PCDHA13: variants seen among roughly 807,000 people sequenced by gnomAD.
PCDHA13 encodes protocadherin alpha-13.
Under a neutral mutation model 64.8 loss-of-function variants are expected in PCDHA13, and 54 were observed. The ratio of observed to expected loss-of-function variants is 0.83; its 90% CI spans 0.67 to 1.04. PCDHA13 has a LOEUF of 1.04. Among genes scored for constraint, PCDHA13 ranks in the 50% least tolerant of loss-of-function variants. PCDHA13 has a pLI of 0.00. For synonymous variants in PCDHA13, 587 were observed against 564.4 expected (o/e 1.04, Z -0.57); for missense variants, 1,248 against 1,254.3 (o/e 0.99, Z 0.08).
chr5:140,906,889 G>T (rs1397235059), intron 1 of PCDHA13, among the ~76,000 whole-genome samples: 1 of 152,172 alleles, frequency 6.6e-6, no homozygotes, highest in Non-Finnish European at 1.5e-5. Flanking sequence ...TTCCTTCTTA[G>T]ATTGTTGGTT....
At chr5:140,975,849 A>G (rs1157741908) in intron 1 of PCDHA13, among the ~76,000 whole-genome samples, 1 of 152,208 alleles carries the variant, frequency 6.6e-6, no homozygotes, top group Non-Finnish European at 1.5e-5. Flanking sequence ...CAGTAATACT[A>G]CATCACCCAT....
chr5:140,952,546 C>T (rs1449369285), intron 1 of PCDHA13, among the ~76,000 whole-genome samples: 1 of 152,108 alleles, frequency 6.6e-6, no homozygotes, highest in African/African-American at 2.4e-5. Flanking sequence ...CTTCTTTGTC[C>T]ATTTCACTAT....
At chr5:140,974,083 T>C (rs1345131685) in intron 1 of PCDHA13, among the ~76,000 whole-genome samples, 1 of 152,236 alleles carries the variant, frequency 6.6e-6, no homozygotes, top group Non-Finnish European at 1.5e-5. Flanking sequence ...AACCATGACT[T>C]CAAAAATCAA....
At chr5:140,917,318 A>G (rs961734758) in intron 1 of PCDHA13, among the ~76,000 whole-genome samples, 1 of 99,850 alleles carries the variant, frequency 1.0e-5, no homozygotes, top group South Asian at 3.3e-4. Context: ...TTTGGTGTTC[A>G]TGTGGCGGGG....
intron 1 of PCDHA13, among the ~76,000 whole-genome samples, chr5:140,952,079 C>A (rs2094682960): frequency 6.6e-6 from 1 of 152,162 alleles, no homozygotes; most frequent in South Asian, 2.1e-4. Flanking sequence ...TTCATTGACT[C>A]CATGTCTCAC....
chr5:140,882,462 G>T lies in PCDHA13; in HGVS notation c.194G>T (p.Arg65Leu). Residue 65 changes from arginine to leucine, a missense_variant, in exon 1 of 4, where the codon CGG (arginine) becomes CTG (leucine). By Grantham distance (102) the Arg-to-Leu change is moderately radical. Transcript: ENST00000289272. Reference protein sequence around the residue: ...ELAELVPRLFRVASKRHGDLL... With the variant: ...ELAELVPRLFLVASKRHGDLL... ...GCGGAGCTGGTGCCGCGCCTGTTCC[G>T]GGTGGCGTCCAAAAGACACGGGGAC... The T allele has an allele frequency of 6.2e-7, 1 of 1,614,036 alleles. No individual in the cohort carries two copies. The highest frequency in any genetic ancestry group is 8.5e-7 in the Non-Finnish European group (1 of 1,180,040).
In PCDHA13 at chr5:140,934,078, G is replaced by A. The variant is rs13188437; in HGVS notation, c.2395-44871G>A. On this transcript the variant is annotated intron_variant, in intron 1 of 3. Transcript: ENST00000289272. ...GGCTAACTTTTGGTGTTTTGGGTTC[G>A]CTTTGTTGTATGTTTGCTTTCTATT... is the stretch of plus-strand genomic sequence containing the variant. 1.4e-3 allele frequency among the ~76,000 whole-genome samples: 217 copies of A among 151,620 alleles called. 1 individual carries two copies. Among genetic ancestry groups the A allele is most frequent in the African/African-American group, 4.8e-3 (200 of 41,380 alleles).
chr5:140,978,989 T>G lies in PCDHA13; in HGVS notation c.2435T>G (p.Leu812Arg). 1 of 1,614,212 alleles carries G rather than the reference T, an allele frequency of 6.2e-7. No individual in the cohort carries two copies. Among genetic ancestry groups the G allele is most frequent in the Non-Finnish European group, 8.5e-7 (1 of 1,180,034 alleles). Residue 812 changes from leucine to arginine, a missense_variant, in exon 2 of 4, where the codon CTG (leucine) becomes CGG (arginine). Transcript: ENST00000289272. Reference protein sequence around the residue: ...PNPDWRYSASLRAGMHSSVHL... With the variant: ...PNPDWRYSASRRAGMHSSVHL... ...CCTGACTGGCGTTACTCTGCCTCCC[T>G]GAGAGCAGGCATGCACAGGTATGTA...
intron 1 of PCDHA13, among the ~76,000 whole-genome samples, chr5:140,894,198 T>A (rs1431922646): frequency 3.9e-5 from 6 of 152,168 alleles, no homozygotes; most frequent in African/African-American, 1.4e-4. Flanking sequence ...ATTTTTTCTA[T>A]GCTATTATAT....
intron 1 of PCDHA13, among the ~76,000 whole-genome samples, chr5:140,971,297 T>C (rs1246980755): frequency 4.6e-5 from 7 of 152,222 alleles, no homozygotes; most frequent in Non-Finnish European, 1.0e-4. Context: ...TGTACTTTGG[T>C]ACACAAACAT....
rs555659207 is a variant in PCDHA13, at chr5:140,967,475, C to A, written c.2395-11474C>A. 2.5e-6 allele frequency: 4 copies of A among 1,613,342 alleles called. No homozygotes were observed. In the East Asian group the frequency reaches 8.9e-5, roughly 36 times the overall value. On this transcript the variant is annotated intron_variant, in intron 1 of 3. Coordinates refer to ENST00000289272, the MANE Select transcript of PCDHA13 (RefSeq NM_018904.3). ...AGCCGTGGATGGGGGCATCCCAGCC[C>A]GCTCGGGTACGGCACAGATCTCTGT...
chr5:141,010,405 C>A lies in PCDHA13; in HGVS notation c.*468C>A. The A allele has an allele frequency of 7.9e-7, 1 of 1,260,098 alleles. No homozygotes were observed. The highest frequency in any genetic ancestry group is 1.1e-6 in the Non-Finnish European group (1 of 934,062). The allele number at this position is 1,260,098 out of a possible 1,614,324, so 78.1% of individuals were successfully genotyped here. On this transcript the variant is annotated 3_prime_UTR_variant, in exon 4 of 4. Transcript: ENST00000289272. ...ATTGGCTGAGACGAGCCAGCTTAGACTAATTGGTACAAGGAAGGCAAGAAA... is the reference window on the plus strand; with the variant it reads ...ATTGGCTGAGACGAGCCAGCTTAGAATAATTGGTACAAGGAAGGCAAGAAA...
rs148631412 is a variant in PCDHA13, at chr5:140,929,183, C to T, written c.2394+44521C>T. On this transcript the variant is annotated intron_variant, in intron 1 of 3. Transcript: ENST00000289272. ...TATCGGGCCTCTCTGGGACTTGGTT[C>T]TGATAATAACAGTTTGCTGTTGCGT... is the stretch of plus-strand genomic sequence containing the variant. 62 of 1,614,144 alleles carry T rather than the reference C, an allele frequency of 3.8e-5. No individual in the cohort carries two copies. The highest frequency in any genetic ancestry group is 4.8e-5 in the Non-Finnish European group (57 of 1,180,012).
At chr5:140,930,906 C>T (rs1235701028) in intron 1 of PCDHA13, among the ~76,000 whole-genome samples, 1 of 152,134 alleles carries the variant, frequency 6.6e-6, no homozygotes, top group African/African-American at 2.4e-5. Flanking sequence ...ACTTACTTTT[C>T]TACTTTAGAT....
rs79307553 is a variant in PCDHA13, at chr5:140,974,500, T to G, written c.2395-4449T>G. ...ACCCAGAATTCTCAAATGTATTACC[T>G]TTGTGTTTTATTTTATTTTAGTTTT... is the stretch of plus-strand genomic sequence containing the variant. On this transcript the variant is annotated intron_variant, in intron 1 of 3. Transcript: ENST00000289272. 8.7e-3 allele frequency among the ~76,000 whole-genome samples: 1,326 copies of G among 152,308 alleles called. 23 individuals carry two copies. Among genetic ancestry groups the G allele is most frequent in the African/African-American group, 0.03 (1,239 of 41,564 alleles).
Position 140,923,938 on chromosome 5 carries a change from CT to C in PCDHA13, c.2394+39282del, listed in dbSNP as rs1340709876. 2.6e-5 allele frequency among the ~76,000 whole-genome samples: 4 copies of C among 152,122 alleles called. No homozygotes were observed. In the East Asian group the frequency reaches 7.7e-4, roughly 29 times the overall value. On this transcript the variant is annotated intron_variant, in intron 1 of 3. Coordinates refer to ENST00000289272, the MANE Select transcript of PCDHA13 (RefSeq NM_018904.3). ...ATACTGTTCTCTGTATGCATTTTTC[CT>C]TTTTTCCTCACGCCCTAATCTATAC... is the stretch of plus-strand genomic sequence containing the variant.
rs563698448 is a variant in PCDHA13 at position 140,899,116 on chromosome 5, T to G, written c.2394+14454T>G. On this transcript the variant is annotated intron_variant, in intron 1 of 3. Transcript: ENST00000289272. ...CTGAGATAATGGGGTTTTCTAGATA[T>G]ACAATCATGTCTTCTGCAAACAGGG... 5.8e-3 allele frequency among the ~76,000 whole-genome samples: 880 copies of G among 152,244 alleles called. 11 individuals are homozygous for G. Among genetic ancestry groups the G allele is most frequent in the African/African-American group, 0.019 (802 of 41,486 alleles).
At chr5:140,931,235 C>T (rs1563126725) in intron 1 of PCDHA13, among the ~76,000 whole-genome samples, 1 of 152,116 alleles carries the variant, frequency 6.6e-6, no homozygotes, top group Non-Finnish European at 1.5e-5. Flanking sequence ...AATATGTGAA[C>T]ACTTTTCCTA....
Position 140,989,317 on chromosome 5 carries a change from C to T in PCDHA13, c.2542+6754C>T, listed in dbSNP as rs184467267. Among the ~76,000 whole-genome samples, 489 of 152,240 alleles carry T rather than the reference C, an allele frequency of 3.2e-3. 2 individuals carry two copies. Among genetic ancestry groups the T allele is most frequent in the African/African-American group, 0.011 (440 of 41,530 alleles). Reference sequence around the variant, plus strand: ...AAAGGGCCAAGGAAGTAGGGTCTCACCAACTTTGCCACCTGACTCAGCTCA... The same window carrying T: ...AAAGGGCCAAGGAAGTAGGGTCTCATCAACTTTGCCACCTGACTCAGCTCA... On this transcript the variant is annotated intron_variant, in intron 3 of 3. Transcript: ENST00000289272.
Sources: gnomAD v4.1 joint callset for allele counts (sites outside exome capture counted in the v4.1 genomes callset) on GRCh38, gnomAD v4.1.1 for gene constraint, MANE v1.5 for transcripts, NCBI Gene and HGNC (gene_info 2026-07-23, HGNC 2026-07-21) for gene names.